The following ALDOB variants were observed in gnomAD, a reference collection of about 807,000 sequenced individuals.
ALDOB encodes the protein aldolase, fructose-bisphosphate B.
ALDOB carries 39 observed loss-of-function variants against 41.0 expected under a neutral mutation model. The ratio of observed to expected loss-of-function variants is 0.95; its 90% CI spans 0.74 to 1.24. The LOEUF is 1.24. Ranked by LOEUF, ALDOB falls within the 50% of genes most tolerant of loss-of-function variation. The probability of loss-of-function intolerance (pLI) is 0.00; values close to 1 mark genes in which losing one functional copy is unlikely to be tolerated. For synonymous variants in ALDOB, 175 were observed against 168.8 expected, an observed-to-expected ratio of 1.04 and a Z score of -0.28; for missense variants, 530 against 457.3, an observed-to-expected ratio of 1.16 and a Z score of -1.45.
At chr9:101,433,522 G>A (rs1457375600) in intron 1 of ALDOB, among the ~76,000 whole-genome samples, 1 of 152,170 alleles carries the variant, frequency 6.6e-6, no homozygotes, top group Non-Finnish European at 1.5e-5. Flanking sequence ...GTACTCCTAA[G>A]CCTCTGCTCT....
intron 1 of ALDOB, 43 bp from the exon 2 acceptor site, chr9:101,430,940 G>T: frequency 7.2e-7 from 1 of 1,390,454 alleles, no homozygotes; most frequent in South Asian, 1.2e-5. Flanking sequence ...ACCATGGGTG[G>T]CTCAGATGGA....
intron 8 of ALDOB, 114 bp from the exon 9 acceptor site, chr9:101,422,018 A>C (rs1831055603): frequency 1.2e-6 from 1 of 865,842 alleles, no homozygotes. Context: ...TCTTCTTTTT[A>C]CAGCAATGTT....
chr9:101,420,900 A>G lies in ALDOB; in HGVS notation c.*909T>C, dbSNP rs1002328554. 1 of 152,198 alleles carries G rather than the reference A, an allele frequency of 6.6e-6. No homozygotes were observed. Among genetic ancestry groups the G allele is most frequent in the Non-Finnish European group, 1.5e-5 (1 of 68,030 alleles). The allele number at this position is 152,198 out of a possible 1,614,324, so 9.4% of individuals were successfully genotyped here. Reference sequence around the variant, plus strand: ...AATATTATTTACTGCAAAACTACGAAATATGCCTGGACGTGCAGATGACAA... The same window carrying G: ...AATATTATTTACTGCAAAACTACGAGATATGCCTGGACGTGCAGATGACAA... On this transcript the variant is annotated 3_prime_UTR_variant, in exon 9 of 9. Transcript: ENST00000647789.
At chr9:101,429,491 A>C (rs888806417) in intron 3 of ALDOB, among the ~76,000 whole-genome samples, 1 of 152,158 alleles carries the variant, frequency 6.6e-6, no homozygotes. Context: ...CCCTGTAAGA[A>C]CATCATGAGG....
chr9:101,430,694 A>C, intron 2 of ALDOB, 82 bp downstream of exon 2: 2 of 1,075,860 alleles, frequency 1.9e-6, no homozygotes, highest in South Asian at 2.6e-5. Context: ...ACTTCCATAA[A>C]GAATATGATT....
Position 101,421,408 on chromosome 9 carries a change from G to T in ALDOB, c.*401C>A. On this transcript the variant is annotated 3_prime_UTR_variant, in exon 9 of 9. Transcript: ENST00000647789. ...TTATAGAATATTTATTTCTTTTTTGGTTGCAGCTATCTCCTTCCCAACCTA... is the reference window on the plus strand; with the variant it reads ...TTATAGAATATTTATTTCTTTTTTGTTTGCAGCTATCTCCTTCCCAACCTA... 6.6e-6 allele frequency: 2 copies of T among 301,680 alleles called. No individual in the cohort carries two copies. Among genetic ancestry groups the T allele is most frequent in the Non-Finnish European group, 1.3e-5 (2 of 153,766 alleles). The allele number at this position is 301,680 out of a possible 1,614,324, so 18.7% of individuals were successfully genotyped here. A position where few individuals can be genotyped will look rare whatever the true frequency, so the allele number is the denominator to read the frequency against.
At position 101,433,319 on chromosome 9, in the gene ALDOB, A is replaced by G. The variant is rs558137347; in HGVS notation, c.-11+2390T>C. Among the ~76,000 whole-genome samples the G allele has an allele frequency of 2.2e-4, 34 of 152,344 alleles. No homozygotes were observed. The South Asian group carries it at 3.7e-3, about 17-fold the overall frequency. ...ATCTGGGTATGCTGACTCAACCAGAATAACAGTGAAAATGATAATTCAAAC... is the reference window on the plus strand; with the variant it reads ...ATCTGGGTATGCTGACTCAACCAGAGTAACAGTGAAAATGATAATTCAAAC... On this transcript the variant is annotated intron_variant, in intron 1 of 8. Transcript: ENST00000647789.
chr9:101,427,589 A>G lies in ALDOB; in HGVS notation c.433T>C (p.Phe145Leu). ...CTCAGCACAGCACGCCACTTCCCAA[A>G]GTCAACACCATCTTTCTTGTACTGA... ...CAQYKKDGVD[F>L]GKWRAVLRIA... is the part of the protein sequence containing the mutation. Residue 145 changes from phenylalanine to leucine, a missense_variant, in exon 5 of 9, where the codon TTT becomes CTT. Transcript: ENST00000647789. 1 of 1,614,182 alleles carries G rather than the reference A, an allele frequency of 6.2e-7. No homozygotes were observed. Among genetic ancestry groups the G allele is most frequent in the Non-Finnish European group, 8.5e-7 (1 of 1,180,028 alleles).
At chr9:101,435,444 C>A (rs1831277266) in intron 1 of ALDOB, among the ~76,000 whole-genome samples, 1 of 152,296 alleles carries the variant, frequency 6.6e-6, no homozygotes, top group Middle Eastern at 3.4e-3. Flanking sequence ...ACAAGGGCCT[C>A]ATTCAGGTAA....
Position 101,425,011 on chromosome 9 carries a change from T to A in ALDOB, c.831A>T (p.Glu277Asp), listed in dbSNP as rs1217961843. ...CATTGAGGTTGAGAGTGGCATCCTC[T>A]TCACTCATGCCACCAGACAAAAAGC... is the stretch of plus-strand genomic sequence containing the variant. ...GICFLSGGMS[E>D]EDATLNLNAI... is the part of the protein sequence containing the mutation. Residue 277 changes from glutamate to aspartate, a missense_variant, in exon 8 of 9, where the codon GAA becomes GAT. Coordinates refer to ENST00000647789, the MANE Select transcript of ALDOB (RefSeq NM_000035.4). 6.2e-7 allele frequency: 1 copy of A among 1,614,190 alleles called. No individual in the cohort carries two copies. The highest frequency in any genetic ancestry group is 2.2e-5 in the East Asian group (1 of 44,882).
intron 1 of ALDOB, 31 bp from the exon 2 acceptor site, chr9:101,430,928 G>A (rs1331500163): frequency 6.7e-7 from 1 of 1,490,498 alleles, no homozygotes; most frequent in African/African-American, 1.4e-5. Context: ...GTTGTGCACA[G>A]AACCATGGGT....
rs774265180 is a variant in ALDOB at position 101,425,530 on chromosome 9, G to A, written c.722C>T (p.Thr241Ile). 4 of 1,614,138 alleles carry A rather than the reference G, an allele frequency of 2.5e-6. No homozygotes were observed. The highest frequency in any genetic ancestry group is 1.1e-5 in the South Asian group (1 of 91,078). Residue 241 changes from threonine to isoleucine, a missense_variant, in exon 7 of 9, where the codon ACC becomes ATC. Coordinates refer to ENST00000647789, the MANE Select transcript of ALDOB (RefSeq NM_000035.4). ...PNMVTAGHAC[T>I]KKYTPEQVAM... ...TACTTGTTCTGGAGTATACTTCTTG[G>A]TGCAGGCATGTCCAGCAGTCACCAT...
At chr9:101,432,086 A>G (rs1272744652) in intron 1 of ALDOB, among the ~76,000 whole-genome samples, 1 of 152,188 alleles carries the variant, frequency 6.6e-6, no homozygotes, top group Non-Finnish European at 1.5e-5. Context: ...CATGACAAAT[A>G]TATTTCTCCA....
At chr9:101,425,919 C>A (rs1424067430) in intron 6 of ALDOB, among the ~76,000 whole-genome samples, 1 of 152,186 alleles carries the variant, frequency 6.6e-6, no homozygotes, top group Admixed American at 6.5e-5. Flanking sequence ...ATTTCCATTA[C>A]TCCCTTGGTC....
intron 1 of ALDOB, among the ~76,000 whole-genome samples, chr9:101,435,435 C>G (rs908504097): frequency 6.6e-6 from 1 of 152,166 alleles, no homozygotes; most frequent in African/African-American, 2.4e-5. Flanking sequence ...CAGAGACTCA[C>G]AAGGGCCTCA....
chr9:101,430,960 A>T (rs1026142368), intron 1 of ALDOB, 63 bp from the exon 2 acceptor site: 3 of 1,144,286 alleles, frequency 2.6e-6, no homozygotes, highest in African/African-American at 3.0e-5. Flanking sequence ...ATGCATGACC[A>T]AGACAGTTGG....
chr9:101,433,932 C>CT (rs1300366615), intron 1 of ALDOB, among the ~76,000 whole-genome samples: 1 of 141,404 alleles, frequency 7.1e-6, no homozygotes, highest in Non-Finnish European at 1.6e-5. Flanking sequence ...CCATGCCCAG[C>CT]TATTTTTTTT....
chr9:101,433,562 T>C (rs981562496), intron 1 of ALDOB, among the ~76,000 whole-genome samples: 5 of 152,174 alleles, frequency 3.3e-5, no homozygotes, highest in African/African-American at 9.7e-5. Flanking sequence ...TTTTTCAGTG[T>C]GATGGAAGTT....
chr9:101,427,034 G>T (rs142088967), intron 5 of ALDOB, among the ~76,000 whole-genome samples: 4 of 152,166 alleles, frequency 2.6e-5, no homozygotes, highest in African/African-American at 9.6e-5. Context: ...AACTTAACTC[G>T]GACCCAGAGA....
Sources: gnomAD v4.1 joint callset for allele counts (sites outside exome capture counted in the v4.1 genomes callset) on GRCh38, gnomAD v4.1.1 for gene constraint, MANE v1.5 for transcripts, NCBI Gene and HGNC (gene_info 2026-07-23, HGNC 2026-07-21) for gene names.